Variants in TMEM132C observed in about 807,000 individuals in gnomAD.
TMEM132C encodes the protein protein phosphatase 1, regulatory subunit 152.
Under a neutral mutation model 61.4 loss-of-function variants are expected in TMEM132C, and 29 were observed. That is an observed-to-expected ratio of 0.47 (90% CI 0.35 to 0.64). The LOEUF is 0.64. TMEM132C is among the 30% of genes least tolerant of loss of function. TMEM132C has a pLI of 0.00. For missense variants in TMEM132C, 1,408 were observed against 1,476.9 expected (o/e 0.95, Z 0.76); for synonymous variants, 656 against 633.1 (o/e 1.04, Z -0.54).
chr12:128,457,420 C>T (rs1459925800), intron 2 of TMEM132C, among the ~76,000 whole-genome samples: 2 of 150,812 alleles, frequency 1.3e-5, no homozygotes, highest in African/African-American at 2.4e-5. Flanking sequence ...AAAAAAAATA[C>T]AAAAAATTAG....
At chr12:128,351,993 C>T (rs1383029513) in intron 1 of TMEM132C, among the ~76,000 whole-genome samples, 1 of 152,086 alleles carries the variant, frequency 6.6e-6, no homozygotes, top group East Asian at 1.9e-4. Flanking sequence ...CCCAGGAGAG[C>T]CAGTGTTCCT....
chr12:128,410,557 CA>C (rs1205822991), intron 1 of TMEM132C, among the ~76,000 whole-genome samples: 1 of 152,028 alleles, frequency 6.6e-6, no homozygotes, highest in African/African-American at 2.4e-5. Flanking sequence ...TGCACCCCAC[CA>C]CACCCCGCTG....
intron 2 of TMEM132C, among the ~76,000 whole-genome samples, chr12:128,432,053 G>A (rs1405357702): frequency 3.9e-5 from 6 of 152,242 alleles, no homozygotes; most frequent in Middle Eastern, 6.8e-3. Context: ...TTATAGGACG[G>A]CTTACTAAAT....
intron 4 of TMEM132C, among the ~76,000 whole-genome samples, chr12:128,645,166 C>T (rs767042825): frequency 1.3e-5 from 2 of 152,174 alleles, no homozygotes; most frequent in African/African-American, 2.4e-5. Flanking sequence ...TGTGGTTGTG[C>T]CCAAGCCACC....
chr12:128,504,404 A>G (rs1235942081), intron 2 of TMEM132C, among the ~76,000 whole-genome samples: 1 of 152,208 alleles, frequency 6.6e-6, no homozygotes, highest in Non-Finnish European at 1.5e-5. Flanking sequence ...AGTGAAAGTC[A>G]ATGTTGGACA....
intron 4 of TMEM132C, among the ~76,000 whole-genome samples, chr12:128,641,453 G>A (rs1367532800): frequency 6.6e-6 from 1 of 152,168 alleles, no homozygotes; most frequent in Non-Finnish European, 1.5e-5. Flanking sequence ...GTGGATTAGG[G>A]TGATCTCTAA....
chr12:128,363,433 A>G (rs1683699), intron 1 of TMEM132C, among the ~76,000 whole-genome samples: 150,569 of 152,276 alleles, frequency 0.99, 74,475 homozygotes, highest in Middle Eastern at 1. Flanking sequence ...AACCGGCTTC[A>G]GTAAGGTGCC....
At chr12:128,697,146 A>C in intron 7 of TMEM132C, 78 bp from the exon 8 acceptor site, 1 of 1,325,526 alleles carries the variant, frequency 7.5e-7, no homozygotes, top group Non-Finnish European at 1.0e-6. Context: ...GTTGGGATGG[A>C]AGAAATATTA....
chr12:128,696,937 A>G (rs1954770022), intron 7 of TMEM132C, among the ~76,000 whole-genome samples: 1 of 152,220 alleles, frequency 6.6e-6, no homozygotes, highest in Non-Finnish European at 1.5e-5. Context: ...TTGTACAAGC[A>G]TACTTCATCT....
At chr12:128,487,195 G>A (rs115836790) in intron 2 of TMEM132C, among the ~76,000 whole-genome samples, 150 of 152,226 alleles carry the variant, frequency 9.9e-4, no homozygotes, top group African/African-American at 3.2e-3. Context: ...GTGCCCCGCC[G>A]GTGTCTGGTT....
intron 2 of TMEM132C, among the ~76,000 whole-genome samples, chr12:128,485,659 C>G (rs1871468133): frequency 1.3e-5 from 2 of 152,026 alleles, no homozygotes; most frequent in South Asian, 4.1e-4. Flanking sequence ...CAGGACAGCC[C>G]CCCACAGCAA....
chr12:128,627,103 T>G (rs563480368), intron 4 of TMEM132C, among the ~76,000 whole-genome samples: 9 of 152,314 alleles, frequency 5.9e-5, no homozygotes, highest in African/African-American at 2.2e-4. Flanking sequence ...CATTAAGGAC[T>G]CCTTGCCCAC....
At chr12:128,599,917 C>G (rs909778083) in intron 3 of TMEM132C, among the ~76,000 whole-genome samples, 3 of 152,280 alleles carry the variant, frequency 2.0e-5, no homozygotes, top group Admixed American at 1.3e-4. Context: ...GCCGTTACCC[C>G]CATGCTGCTG....
intron 1 of TMEM132C, among the ~76,000 whole-genome samples, chr12:128,384,906 C>T (rs780245147): frequency 1.4e-4 from 22 of 152,206 alleles, no homozygotes; most frequent in Admixed American, 2.6e-4. Flanking sequence ...GCCTCTGCCA[C>T]GCAGGACGTG....
chr12:128,445,803 C>A (rs963647365), intron 2 of TMEM132C, among the ~76,000 whole-genome samples: 16 of 152,050 alleles, frequency 1.1e-4, no homozygotes, highest in Non-Finnish European at 2.2e-4. Context: ...ATTTAAAAGC[C>A]CCCCACCCCT....
chr12:128,610,788 A>G (rs1876606601), intron 3 of TMEM132C, among the ~76,000 whole-genome samples: 1 of 152,192 alleles, frequency 6.6e-6, no homozygotes. Context: ...TGCCAGTACA[A>G]CGTGCATTAT....
chr12:128,566,692 T>A (rs1874716702), intron 3 of TMEM132C, among the ~76,000 whole-genome samples: 1 of 152,218 alleles, frequency 6.6e-6, no homozygotes. Flanking sequence ...AATGGGTGGA[T>A]AAATAGCCAC....
intron 8 of TMEM132C, among the ~76,000 whole-genome samples, 196 bp from the exon 9 acceptor site, chr12:128,704,894 C>T (rs1425181939): frequency 6.6e-6 from 1 of 152,152 alleles, no homozygotes; most frequent in Non-Finnish European, 1.5e-5. Context: ...AGTCACATCC[C>T]CATTTGTTCT....
At chr12:128,618,602 A>G (rs1876885211) in intron 4 of TMEM132C, among the ~76,000 whole-genome samples, 1 of 152,178 alleles carries the variant, frequency 6.6e-6, no homozygotes, top group Non-Finnish European at 1.5e-5. Flanking sequence ...AAATTGAATC[A>G]TGGAGGCAGT....
Sources: allele counts gnomAD v4.1 joint callset (sites outside exome capture counted in the v4.1 genomes callset), GRCh38; gene constraint gnomAD v4.1.1; transcripts MANE v1.5; gene names NCBI Gene and HGNC (gene_info 2026-07-23, HGNC 2026-07-21).